INSYN2B: variants seen among roughly 807,000 people sequenced by gnomAD.
The protein encoded by INSYN2B is protein INSYN2B.
In INSYN2B, 16 loss-of-function variants were observed where a neutral mutation model predicts 41.2. That is an observed-to-expected ratio of 0.39 (90% confidence interval 0.26 to 0.59). The LOEUF is 0.59. Ranked by LOEUF, INSYN2B falls within the 20% of genes least tolerant of loss-of-function variation. The pLI is 0.57. For missense variants in INSYN2B, 608 were observed against 646.4 expected (o/e 0.94, Z 0.64); for synonymous variants, 245 against 244.4 (o/e 1.00, Z -0.02).
At chr5:169,897,484 C>T (rs1029681476) in intron 1 of INSYN2B, among the ~76,000 whole-genome samples, 9 of 152,196 alleles carry the variant, frequency 5.9e-5, no homozygotes, top group East Asian at 1.9e-4. Context: ...CCACCGTACT[C>T]GGCCAGGAAT....
intron 1 of INSYN2B, among the ~76,000 whole-genome samples, chr5:169,943,714 G>A (rs1417780948): frequency 6.6e-6 from 1 of 152,126 alleles, no homozygotes; most frequent in African/African-American, 2.4e-5. Context: ...AGCATCACCT[G>A]GGAGCTTGTT....
In INSYN2B at chr5:169,884,138, T is replaced by C. The variant is rs1247547308; in HGVS notation, c.-240A>G. 2 of 367,886 alleles carry C rather than the reference T, an allele frequency of 5.4e-6. No individual in the cohort carries two copies. Among genetic ancestry groups the C allele is most frequent in the Non-Finnish European group, 9.7e-6 (2 of 206,384 alleles). 22.8% of individuals were successfully genotyped at this position (367,886 alleles called of 1,614,324 possible). The stretch of plus-strand genomic sequence containing the variant: ...AATATTAATTCATTGTAGTCATAAT[T>C]GCTCCTTGGAAAAACAAATGAGTTA... On this transcript the variant is annotated 5_prime_UTR_variant, in exon 2 of 4. Coordinates refer to ENST00000377365, the MANE Select transcript of INSYN2B (RefSeq NM_001129891.3).
At chr5:169,896,045 G>A (rs951148775) in intron 1 of INSYN2B, among the ~76,000 whole-genome samples, 5 of 152,124 alleles carry the variant, frequency 3.3e-5, no homozygotes, top group Admixed American at 6.5e-5. Context: ...CTGGGCCAAC[G>A]ACCAGGACAG....
At chr5:169,972,574 TAGATAGATAGATGATA>T (rs1459280331) in intron 1 of INSYN2B, among the ~76,000 whole-genome samples, 1,911 of 66,030 alleles carry the variant, frequency 0.029, 37 homozygotes, top group African/African-American at 0.083. Flanking sequence ...GATAGATAGA[TAGATAGATAGATGATA>T]GATAGATAGA....
chr5:169,895,979 C>T (rs990878956), intron 1 of INSYN2B, among the ~76,000 whole-genome samples: 3 of 152,158 alleles, frequency 2.0e-5, no homozygotes, highest in Non-Finnish European at 2.9e-5. Flanking sequence ...GAACAGGGAC[C>T]TTTATGTGAA....
At chr5:169,968,288 C>G (rs536195932) in intron 1 of INSYN2B, among the ~76,000 whole-genome samples, 2 of 152,252 alleles carry the variant, frequency 1.3e-5, no homozygotes, top group South Asian at 4.2e-4. Flanking sequence ...AGACCTTTGT[C>G]CTTTAAAATC....
chr5:169,879,879 A>G (rs1467699786), intron 3 of INSYN2B, among the ~76,000 whole-genome samples: 1 of 152,218 alleles, frequency 6.6e-6, no homozygotes, highest in Non-Finnish European at 1.5e-5. Flanking sequence ...GGCCAAATAT[A>G]AAATCATTTT....
At chr5:169,909,416 G>A (rs568865515) in intron 1 of INSYN2B, among the ~76,000 whole-genome samples, 17 of 152,222 alleles carry the variant, frequency 1.1e-4, no homozygotes, top group Admixed American at 5.2e-4. Flanking sequence ...TATCCAATTT[G>A]CAATGAATTT....
intron 1 of INSYN2B, among the ~76,000 whole-genome samples, chr5:169,892,324 G>A (rs1406633494): frequency 3.3e-5 from 5 of 152,232 alleles, no homozygotes; most frequent in Non-Finnish European, 7.3e-5. Context: ...GAACAAACTT[G>A]CTGGTGTGTA....
chr5:169,957,757 T>C lies in INSYN2B; in HGVS notation c.-919+22520A>G, dbSNP rs893133059. ...CTTTGATTGTCTCAGGTTCCTGGTC[T>C]GTTCATGACCCTGTTAGCCCAAAAG... On this transcript the variant is annotated intron_variant, in intron 1 of 3. Coordinates refer to ENST00000377365, the MANE Select transcript of INSYN2B (RefSeq NM_001129891.3). Among the ~76,000 whole-genome samples, 7 of 152,346 alleles carry C rather than the reference T, an allele frequency of 4.6e-5. 1 individual carries two copies. Among genetic ancestry groups the C allele is most frequent in the African/African-American group, 1.7e-4 (7 of 41,590 alleles).
intron 1 of INSYN2B, among the ~76,000 whole-genome samples, chr5:169,958,165 C>T (rs1349038695): frequency 6.6e-6 from 1 of 152,090 alleles, no homozygotes; most frequent in Non-Finnish European, 1.5e-5. Flanking sequence ...TGATTATCTA[C>T]CCTGTGGTGA....
intron 1 of INSYN2B, among the ~76,000 whole-genome samples, chr5:169,901,381 T>C (rs1195452356): frequency 3.9e-5 from 6 of 152,176 alleles, no homozygotes; most frequent in South Asian, 2.1e-4. Context: ...TTTTGGTTGA[T>C]TTTTGAAAAC....
intron 3 of INSYN2B, among the ~76,000 whole-genome samples, chr5:169,865,330 C>T (rs548533430): frequency 2.6e-5 from 4 of 152,190 alleles, no homozygotes; most frequent in African/African-American, 4.8e-5. Flanking sequence ...GGGAGGTGGG[C>T]GTTGAACAGA....
At chr5:169,957,395 G>A (rs1418841871) in intron 1 of INSYN2B, among the ~76,000 whole-genome samples, 1 of 152,186 alleles carries the variant, frequency 6.6e-6, no homozygotes, top group African/African-American at 2.4e-5. Flanking sequence ...TGTTTAGAAC[G>A]TAATAGGCAC....
intron 1 of INSYN2B, chr5:169,934,673 G>A (rs1018691902): frequency 2.2e-6 from 1 of 456,118 alleles, no homozygotes; most frequent in African/African-American, 2.0e-5. Context: ...TGATAGGACT[G>A]AACCGATTGG....
At chr5:169,949,924 TC>T (rs767630549) in intron 1 of INSYN2B, among the ~76,000 whole-genome samples, 5 of 152,176 alleles carry the variant, frequency 3.3e-5, no homozygotes, top group Non-Finnish European at 7.3e-5. Flanking sequence ...TTCTCGATTT[TC>T]TTTTATAGTT....
chr5:169,869,214 C>T (rs946239082), intron 3 of INSYN2B, among the ~76,000 whole-genome samples: 10 of 152,312 alleles, frequency 6.6e-5, no homozygotes, highest in African/African-American at 2.4e-4. Flanking sequence ...CCCCTCCCCA[C>T]CATCTACATT....
intron 1 of INSYN2B, among the ~76,000 whole-genome samples, chr5:169,950,318 A>G (rs1776607035): frequency 6.6e-6 from 1 of 152,222 alleles, no homozygotes; most frequent in Admixed American, 6.5e-5. Context: ...GGGTTGTTTT[A>G]GGATTAAGAG....
chr5:169,925,648 G>A (rs1031686527), intron 1 of INSYN2B, among the ~76,000 whole-genome samples: 3 of 149,092 alleles, frequency 2.0e-5, no homozygotes, highest in African/African-American at 7.4e-5. Context: ...GCCATTGATT[G>A]GTTGTGTGAC....
Sources: gnomAD v4.1 joint callset for allele counts (sites outside exome capture counted in the v4.1 genomes callset) on GRCh38, gnomAD v4.1.1 for gene constraint, MANE v1.5 for transcripts, NCBI Gene and HGNC (gene_info 2026-07-23, HGNC 2026-07-21) for gene names.